ADGRL2: variants seen among roughly 807,000 people sequenced by gnomAD.
ADGRL2 encodes the protein adhesion G protein-coupled receptor L2, also known as calcium-independent alpha-latrotoxin receptor 2.
A neutral mutation model predicts 157.4 loss-of-function variants in ADGRL2; 44 were observed. The observed-to-expected ratio is 0.28, with a 90% CI of 0.22 to 0.36. ADGRL2 has a LOEUF of 0.36. Ranked by LOEUF, ADGRL2 falls within the 10% of genes least tolerant of loss-of-function variation. ADGRL2 has a pLI of 1.00. For synonymous variants in ADGRL2, 585 were observed against 624.7 expected (o/e 0.94, Z 0.95); for missense variants, 1,510 against 1,768.9 (o/e 0.85, Z 2.63).
At chr1:81,425,708 T>G (rs955983992) in intron 1 of ADGRL2, among the ~76,000 whole-genome samples, 3 of 152,096 alleles carry the variant, frequency 2.0e-5, no homozygotes, top group African/African-American at 7.2e-5. Context: ...TTGCCGGCTT[T>G]TGTCAATTGC....
At chr1:81,478,162 C>T (rs34104697) in intron 2 of ADGRL2, among the ~76,000 whole-genome samples, 88,064 of 151,760 alleles carry the variant, frequency 0.58, 28,460 homozygotes, top group Non-Finnish European at 0.73. Context: ...TTGGGGGAGT[C>T]GGTAAATAGG....
chr1:81,942,710 T>G, intron 5 of ADGRL2: 1 of 485,598 alleles, frequency 2.1e-6, no homozygotes, highest in East Asian at 3.9e-5. Context: ...AAATTTAAAT[T>G]GTCAGACCAC....
intron 1 of ADGRL2, among the ~76,000 whole-genome samples, chr1:81,720,853 A>G (rs1274187178): frequency 1.3e-5 from 2 of 150,732 alleles, no homozygotes; most frequent in Non-Finnish European, 3.0e-5. Flanking sequence ...ATTGGGGAAA[A>G]ATCCTCACTT....
intron 3 of ADGRL2, among the ~76,000 whole-genome samples, chr1:81,618,836 A>G (rs971889594): frequency 6.6e-6 from 1 of 150,958 alleles, no homozygotes. Context: ...TATATGCATC[A>G]GTAATCTGGA....
At chr1:81,363,896 C>T (rs768530512) in intron 1 of ADGRL2, among the ~76,000 whole-genome samples, 1 of 152,050 alleles carries the variant, frequency 6.6e-6, no homozygotes, top group African/African-American at 2.4e-5. Flanking sequence ...TTTCTGTAGG[C>T]CCTTCTGTAA....
intron 2 of ADGRL2, among the ~76,000 whole-genome samples, chr1:81,769,644 C>A (rs2086272915): frequency 6.6e-6 from 1 of 151,852 alleles, no homozygotes; most frequent in South Asian, 2.1e-4. Flanking sequence ...TTCAGCAATA[C>A]CTTGGCTATC....
chr1:81,309,341 G>C (rs957171688), intron 1 of ADGRL2, among the ~76,000 whole-genome samples: 1 of 152,038 alleles, frequency 6.6e-6, no homozygotes, highest in Non-Finnish European at 1.5e-5. Flanking sequence ...ACCACTATGG[G>C]GTCAGTGAAA....
At chr1:81,534,534 CAT>C (rs1180288340) in intron 2 of ADGRL2, among the ~76,000 whole-genome samples, 8 of 152,238 alleles carry the variant, frequency 5.3e-5, no homozygotes, top group South Asian at 2.1e-4. Context: ...CACTCTCACA[CAT>C]GTTATCTGAT....
chr1:81,666,733 C>A (rs551587462), intron 3 of ADGRL2, among the ~76,000 whole-genome samples: 8 of 152,146 alleles, frequency 5.3e-5, no homozygotes, highest in Non-Finnish European at 1.0e-4. Context: ...TCCTGGAAAG[C>A]CTCACCATGG....
chr1:81,323,411 ATTTTTTTTTT>A (rs138358062), intron 1 of ADGRL2, among the ~76,000 whole-genome samples: 1 of 109,736 alleles, frequency 9.1e-6, no homozygotes, highest in African/African-American at 3.6e-5. Context: ...GACTAATTCA[ATTTTTTTTTT>A]TTTTTTTTTT....
chr1:81,347,383 A>G (rs1433024962), intron 1 of ADGRL2, among the ~76,000 whole-genome samples: 1 of 152,114 alleles, frequency 6.6e-6, no homozygotes. Flanking sequence ...CCTGGATGAC[A>G]GAGAGAGACT....
intron 1 of ADGRL2, among the ~76,000 whole-genome samples, chr1:81,831,569 G>T (rs1247558527): frequency 6.6e-6 from 1 of 151,774 alleles, no homozygotes; most frequent in African/African-American, 2.4e-5. Context: ...CCTTCTGCTT[G>T]CTTACTTTCC....
intron 3 of ADGRL2, among the ~76,000 whole-genome samples, chr1:81,690,382 A>G (rs659152): frequency 0.34 from 51,552 of 151,966 alleles, 8,874 homozygotes; most frequent in Admixed American, 0.41. Flanking sequence ...AGTCCCAGCT[A>G]CTAGTGAGGC....
chr1:81,786,889 C>T (rs1461326442), intron 2 of ADGRL2, among the ~76,000 whole-genome samples: 1 of 152,180 alleles, frequency 6.6e-6, no homozygotes, highest in African/African-American at 2.4e-5. Context: ...TATGGTTTGG[C>T]TCTGTGTCCC....
intron 1 of ADGRL2, chr1:81,427,654 A>G: frequency 1.9e-6 from 1 of 529,728 alleles, no homozygotes; most frequent in Admixed American, 2.9e-5. Flanking sequence ...GGAGAGAGAG[A>G]GAAATTGTTA....
intron 2 of ADGRL2, among the ~76,000 whole-genome samples, chr1:81,768,501 G>T (rs1444693993): frequency 7.4e-6 from 1 of 135,848 alleles, no homozygotes; most frequent in African/African-American, 2.8e-5. Context: ...TTGAGAGAAG[G>T]TTCACTGTAT....
chr1:81,375,134 A>G (rs181433535), intron 1 of ADGRL2, among the ~76,000 whole-genome samples: 112 of 152,342 alleles, frequency 7.4e-4, no homozygotes, highest in African/African-American at 2.5e-3. Flanking sequence ...AAATAAAAAG[A>G]TGTGAGCACC....
At chr1:81,849,408 C>G (rs1208758072) in intron 2 of ADGRL2, among the ~76,000 whole-genome samples, 1 of 151,900 alleles carries the variant, frequency 6.6e-6, no homozygotes, top group Non-Finnish European at 1.5e-5. Flanking sequence ...TTTGAATTAA[C>G]TTTGTGTTTG....
At chr1:81,647,463 C>T (rs962196450) in intron 3 of ADGRL2, among the ~76,000 whole-genome samples, 3 of 152,116 alleles carry the variant, frequency 2.0e-5, no homozygotes, top group East Asian at 1.9e-4. Context: ...TGCCATGTCA[C>T]GGTCAAAACG....
Sources: gnomAD v4.1 joint callset for allele counts (sites outside exome capture counted in the v4.1 genomes callset) on GRCh38, gnomAD v4.1.1 for gene constraint, MANE v1.5 for transcripts, NCBI Gene and HGNC (gene_info 2026-07-23, HGNC 2026-07-21) for gene names.